SPAG17: variants seen among roughly 807,000 people sequenced by gnomAD.
SPAG17 encodes sperm associated antigen 17, also known as sperm-associated antigen 17.
SPAG17 carries 169 observed loss-of-function variants against 273.6 expected under a neutral mutation model. The ratio of observed to expected loss-of-function variants is 0.62; its 90% CI spans 0.55 to 0.70. The LOEUF (loss-of-function observed/expected upper bound fraction) is 0.70, where lower values mean the gene tolerates loss of function less well. SPAG17 is among the 30% of genes least tolerant of loss of function. SPAG17 has a pLI of 0.00. For missense variants in SPAG17, 2,557 were observed against 2,627.8 expected, an observed-to-expected ratio of 0.97 and a Z score of 0.59; for synonymous variants, 825 against 873.2, an observed-to-expected ratio of 0.94 and a Z score of 0.97.
intron 40 of SPAG17, among the ~76,000 whole-genome samples, chr1:117,985,815 A>G (rs1156641698): frequency 6.6e-6 from 1 of 152,204 alleles, no homozygotes; most frequent in Non-Finnish European, 1.5e-5. Context: ...TTGAAAAACC[A>G]AAGCATAGAG....
At chr1:117,997,789 C>A (rs1657820844) in intron 32 of SPAG17, among the ~76,000 whole-genome samples, 1 of 152,074 alleles carries the variant, frequency 6.6e-6, no homozygotes, top group East Asian at 1.9e-4. Flanking sequence ...TATAAAACGA[C>A]ATTGAAATTT....
chr1:118,090,202 C>T (rs1047374480), intron 10 of SPAG17, among the ~76,000 whole-genome samples: 6 of 152,172 alleles, frequency 3.9e-5, no homozygotes, highest in Non-Finnish European at 7.4e-5. Flanking sequence ...TGCCTGGCGC[C>T]TGTAAGTGCT....
Position 118,059,349 on chromosome 1 carries a change from C to G in SPAG17, c.2541-3435G>C, listed in dbSNP as rs545062680. On this transcript the variant is annotated intron_variant, in intron 18 of 48. Transcript: ENST00000336338. ...TTGTGTATACTTTAAGACAGTAATC[C>G]ATTTTTTGAATTTTAATTTATTTTT... 2.0e-5 allele frequency among the ~76,000 whole-genome samples: 3 copies of G among 151,992 alleles called. No individual in the cohort carries two copies. The East Asian group carries it at 5.8e-4, about 29-fold the overall frequency.
At chr1:117,982,806 C>T (rs1256427894) in intron 42 of SPAG17, among the ~76,000 whole-genome samples, 1 of 152,172 alleles carries the variant, frequency 6.6e-6, no homozygotes. Context: ...TTAGGTTTCA[C>T]ATTCAGTTTT....
intron 25 of SPAG17, among the ~76,000 whole-genome samples, chr1:118,028,682 T>G (rs1197109020): frequency 2.0e-5 from 3 of 152,154 alleles, no homozygotes; most frequent in Admixed American, 6.6e-5. Context: ...GTGGAATAAT[T>G]GGGGCTTGAA....
intron 22 of SPAG17, among the ~76,000 whole-genome samples, chr1:118,039,775 C>A (rs1649524851): frequency 6.6e-6 from 1 of 152,030 alleles, no homozygotes; most frequent in Non-Finnish European, 1.5e-5. Flanking sequence ...GAATAGATAT[C>A]CCTGAAACGA....
At chr1:118,166,931 A>G (rs1660195902) in intron 1 of SPAG17, among the ~76,000 whole-genome samples, 1 of 152,222 alleles carries the variant, frequency 6.6e-6, no homozygotes, top group Non-Finnish European at 1.5e-5. Context: ...ATAAATCTAC[A>G]TTGCAATGGT....
intron 15 of SPAG17, 121 bp from the exon 16 acceptor site, chr1:118,074,721 G>A: frequency 2.3e-6 from 2 of 858,556 alleles, no homozygotes. Context: ...GGCAATGCCT[G>A]AAAGGCATGT....
rs746436734 is a variant in SPAG17, at chr1:118,039,393, A to C, written c.3218T>G (p.Ile1073Ser). The C allele has an allele frequency of 8.1e-6, 13 of 1,613,500 alleles. No homozygotes were observed. The highest frequency in any genetic ancestry group is 1.1e-5 in the South Asian group (1 of 91,056). The change falls in exon 23 of 49, where the codon ATT (isoleucine) becomes AGT (serine). Residue 1073 changes from isoleucine (I) to serine (S), a missense_variant. Coordinates refer to ENST00000336338, the MANE Select transcript of SPAG17 (RefSeq NM_206996.4). ...AATTTCCTTAGGGTCATTTAAATGA[A>C]TCATAAAATTGTGGTTGTCCTTTAC... is the stretch of plus-strand genomic sequence containing the variant. ...RVVKDNHNFM[I>S]HLNDPKEIVK...
chr1:117,956,073 T>C (rs188735425), intron 48 of SPAG17, among the ~76,000 whole-genome samples: 19 of 152,312 alleles, frequency 1.2e-4, no homozygotes, highest in Admixed American at 1.1e-3. Flanking sequence ...TTTTCATTTC[T>C]TTTGACTATT....
At chr1:117,969,082 CTTTA>C (rs761435837) in intron 46 of SPAG17, among the ~76,000 whole-genome samples, 5 of 152,080 alleles carry the variant, frequency 3.3e-5, no homozygotes, top group Admixed American at 6.6e-5. Context: ...ACAAATGTGA[CTTTA>C]TTTAAGATGA....
chr1:117,998,917 G>A (rs1240282583), intron 32 of SPAG17, among the ~76,000 whole-genome samples: 1 of 151,940 alleles, frequency 6.6e-6, no homozygotes, highest in Non-Finnish European at 1.5e-5. Context: ...GTGCCATATT[G>A]GTTTGCTGCA....
Position 117,992,605 on chromosome 1 carries a change from C to A in SPAG17, c.5222G>T (p.Gly1741Val). The A allele has an allele frequency of 6.2e-7, 1 of 1,612,082 alleles. No individual in the cohort carries two copies. The highest frequency in any genetic ancestry group is 8.5e-7 in the Non-Finnish European group (1 of 1,179,304). ...TAGCTGTTTGGACTCAATGCAAAGG[C>A]CTTTCCAAATCTGAGTACCAAACGG... Reference protein sequence around the residue: ...GPPFGTQIWKGLCIESKQLVS... With the variant: ...GPPFGTQIWKVLCIESKQLVS... Residue 1741 changes from glycine to valine, a missense_variant, in exon 36 of 49, where the codon GGC becomes GTC. By Grantham distance (109) the Gly-to-Val change is moderately radical. Coordinates refer to ENST00000336338, the MANE Select transcript of SPAG17 (RefSeq NM_206996.4).
intron 6 of SPAG17, among the ~76,000 whole-genome samples, chr1:118,098,193 C>T (rs1038030236): frequency 1.3e-5 from 2 of 152,132 alleles, no homozygotes; most frequent in African/African-American, 4.8e-5. Context: ...GTTTTTCTGC[C>T]ATATCACTTT....
intron 1 of SPAG17, among the ~76,000 whole-genome samples, chr1:118,176,517 A>G (rs1660705752): frequency 6.6e-6 from 1 of 152,226 alleles, no homozygotes; most frequent in African/African-American, 2.4e-5. Flanking sequence ...AAATATAGCC[A>G]TTATAAATAT....
At chr1:118,021,771 G>A (rs1444529000) in intron 28 of SPAG17, among the ~76,000 whole-genome samples, 1 of 152,112 alleles carries the variant, frequency 6.6e-6, no homozygotes, top group Non-Finnish European at 1.5e-5. Context: ...GGGGGACACT[G>A]TGCTAGAAGC....
chr1:118,014,421 A>T (rs986138896), intron 29 of SPAG17, among the ~76,000 whole-genome samples: 1 of 152,218 alleles, frequency 6.6e-6, no homozygotes, highest in Admixed American at 6.5e-5. Flanking sequence ...TTGCATATTA[A>T]GCCAAATAAT....
chr1:118,087,571 C>G (rs914748474), intron 10 of SPAG17, among the ~76,000 whole-genome samples: 1 of 152,152 alleles, frequency 6.6e-6, no homozygotes, highest in Non-Finnish European at 1.5e-5. Context: ...AATCCTCATT[C>G]TTTCTTCAAA....
At chr1:118,100,746 A>G (rs1201271697) in intron 5 of SPAG17, among the ~76,000 whole-genome samples, 1 of 152,232 alleles carries the variant, frequency 6.6e-6, no homozygotes. Flanking sequence ...GCAGATAACA[A>G]CAGGTAGCTC....
Sources: allele counts gnomAD v4.1 joint callset (sites outside exome capture counted in the v4.1 genomes callset), GRCh38; gene constraint gnomAD v4.1.1; transcripts MANE v1.5; gene names NCBI Gene and HGNC (gene_info 2026-07-23, HGNC 2026-07-21).